Variants in TLR4 observed in about 807,000 individuals in gnomAD.
The protein encoded by TLR4 is toll-like receptor 4.
Under a neutral mutation model 27.4 loss-of-function variants are expected in TLR4, and 17 were observed. The observed-to-expected ratio is 0.62, with a 90% CI of 0.42 to 0.93. TLR4 has a LOEUF of 0.93. Among genes scored for constraint, TLR4 ranks in the 40% least tolerant of loss-of-function variants. TLR4 has a pLI of 0.00. For missense variants in TLR4, 926 were observed against 962.3 expected, an observed-to-expected ratio of 0.96 and a Z score of 0.50; for synonymous variants, 363 against 365.7, an observed-to-expected ratio of 0.99 and a Z score of 0.08.
rs1168510610 is a variant in TLR4 at position 117,723,557 on chromosome 9, T to C, written c.*8909T>C. Reference sequence around the variant, plus strand: ...ATGAGACAGAGCCTCCAATAAAATTTAGGGAAGTGCTACATAAATGCAAGG... The same window carrying C: ...ATGAGACAGAGCCTCCAATAAAATTCAGGGAAGTGCTACATAAATGCAAGG... On this transcript the variant is annotated 3_prime_UTR_variant, in exon 3 of 3. Transcript: ENST00000355622. 1 of 152,138 alleles carries C rather than the reference T, an allele frequency of 6.6e-6. No homozygotes were observed. The highest frequency in any genetic ancestry group is 1.5e-5 in the Non-Finnish European group (1 of 68,022). The allele number at this position is 152,138 out of a possible 1,614,324, so 9.4% of individuals were successfully genotyped here. A position where few individuals can be genotyped will look rare whatever the true frequency, so the allele number is the denominator to read the frequency against.
At chr9:117,707,587 G>C (rs934736376) in intron 1 of TLR4, among the ~76,000 whole-genome samples, 3 of 152,186 alleles carry the variant, frequency 2.0e-5, no homozygotes, top group Admixed American at 2.0e-4. Context: ...AGAGCATTCA[G>C]AAATTAGATG....
chr9:117,710,436 G>T (rs1829212414), intron 2 of TLR4, among the ~76,000 whole-genome samples: 1 of 150,448 alleles, frequency 6.6e-6, no homozygotes, highest in East Asian at 1.9e-4. Flanking sequence ...CTCTATTAAG[G>T]TAGACCACCT....
At position 117,714,441 on chromosome 9, in the gene TLR4, G is replaced by A; in HGVS notation, c.2313G>A (p.Leu771=). 1.2e-6 allele frequency: 2 copies of A among 1,613,906 alleles called. No individual in the cohort carries two copies. The highest frequency in any genetic ancestry group is 1.7e-6 in the Non-Finnish European group (2 of 1,179,980). ...SSRAGIIFIV[L]QKVEKTLLRQ... is the part of the protein sequence containing the mutation. ...GTGCTGGTATCATCTTCATTGTCCT[G>A]CAGAAGGTGGAGAAGACCCTGCTCA... Residue 771 remains leucine, a synonymous_variant, in exon 3 of 3, where the codon CTG becomes CTA. Coordinates refer to ENST00000355622, the MANE Select transcript of TLR4 (RefSeq NM_138554.5).
Position 117,713,967 on chromosome 9 carries a change from A to G in TLR4, c.1839A>G (p.Ser613=). Residue 613 remains serine (S), a synonymous_variant, in exon 3 of 3, where the codon TCA becomes TCG. Transcript: ENST00000355622. ...EVERMECATP[S]DKQGMPVLSL... ...AACGAATGGAATGTGCAACACCTTC[A>G]GATAAGCAGGGCATGCCTGTGCTGA... The G allele has an allele frequency of 6.2e-7, 1 of 1,614,064 alleles. No homozygotes were observed. The highest frequency in any genetic ancestry group is 8.5e-7 in the Non-Finnish European group (1 of 1,180,008).
Position 117,714,749 on chromosome 9 carries a change from C to T in TLR4, c.*101C>T. On this transcript the variant is annotated 3_prime_UTR_variant, in exon 3 of 3. Coordinates refer to ENST00000355622, the MANE Select transcript of TLR4 (RefSeq NM_138554.5). ...ATGCTGCCACATGTCAGGCCTTATG[C>T]TAAGGGTGAGTAATTCCATGGTGCA... 1 of 1,031,228 alleles carries T rather than the reference C, an allele frequency of 9.7e-7. No homozygotes were observed. The allele number at this position is 1,031,228 out of a possible 1,614,324, so 63.9% of individuals were successfully genotyped here.
At chr9:117,705,259 C>T (rs143235839) in intron 1 of TLR4, among the ~76,000 whole-genome samples, 159 of 152,162 alleles carry the variant, frequency 1.0e-3, no homozygotes, top group African/African-American at 3.7e-3. Context: ...TTTTCCCCTG[C>T]GCAGACTTCA....
Position 117,717,193 on chromosome 9 carries a change from T to G in TLR4, c.*2545T>G, listed in dbSNP as rs1197054334. On this transcript the variant is annotated 3_prime_UTR_variant, in exon 3 of 3. Coordinates refer to ENST00000355622, the MANE Select transcript of TLR4 (RefSeq NM_138554.5). ...GAAGAATACATCCATTTGAAATGGA[T>G]GTCTATGGCTGTTTGAGATGAGTTC... The G allele has an allele frequency of 1.3e-5, 2 of 152,140 alleles. No individual in the cohort carries two copies. The highest frequency in any genetic ancestry group is 6.5e-5 in the Admixed American group (1 of 15,270). The allele number at this position is 152,140 out of a possible 1,614,324, so 9.4% of individuals were successfully genotyped here.
chr9:117,709,709 C>A (rs1248052649), intron 2 of TLR4, among the ~76,000 whole-genome samples: 1 of 152,032 alleles, frequency 6.6e-6, no homozygotes, highest in Non-Finnish European at 1.5e-5. Context: ...GTATAAAAAT[C>A]CTTTTTAGAG....
intron 1 of TLR4, 86 bp downstream of exon 1, chr9:117,704,651 CAA>C (rs5900307): frequency 0.023 from 17,909 of 773,580 alleles, no homozygotes; most frequent in Non-Finnish European, 0.027. Flanking sequence ...TTTATTTTTG[CAA>C]AAAAAAAAAA....
chr9:117,706,831 C>T (rs560779117), intron 1 of TLR4, among the ~76,000 whole-genome samples: 94 of 152,298 alleles, frequency 6.2e-4, no homozygotes, highest in African/African-American at 2.1e-3. Context: ...GTTAGCTTTG[C>T]TCCTATCTAA....
rs1388911129 is a variant in TLR4, at chr9:117,714,463, C to T, written c.2335C>T (p.Leu779Phe). Residue 779 changes from leucine (L) to phenylalanine (F), a missense_variant, in exon 3 of 3, where the codon CTC becomes TTC. Coordinates refer to ENST00000355622, the MANE Select transcript of TLR4 (RefSeq NM_138554.5). ...IVLQKVEKTL[L>F]RQQVELYRLL... ...CCTGCAGAAGGTGGAGAAGACCCTGCTCAGGCAGCAGGTGGAGCTGTACCG... is the reference window on the plus strand; with the variant it reads ...CCTGCAGAAGGTGGAGAAGACCCTGTTCAGGCAGCAGGTGGAGCTGTACCG... 3 of 1,613,864 alleles carry T rather than the reference C, an allele frequency of 1.9e-6. No individual in the cohort carries two copies. Among genetic ancestry groups the T allele is most frequent in the East Asian group, 4.5e-5 (2 of 44,848 alleles).
At position 117,704,693 on chromosome 9, in the gene TLR4, CCA is replaced by C. The variant is rs1195645205; in HGVS notation, c.93+131_93+132del. The C allele has an allele frequency of 1.8e-5, 15 of 818,034 alleles. No homozygotes were observed. In the African/African-American group the frequency reaches 2.4e-4, roughly 13 times the overall value. The allele number at this position is 818,034 out of a possible 1,614,324, so 50.7% of individuals were successfully genotyped here. A position where few individuals can be genotyped will look rare whatever the true frequency, so the allele number is the denominator to read the frequency against. On this transcript the variant is annotated intron_variant, in intron 1 of 2. Coordinates refer to ENST00000355622, the MANE Select transcript of TLR4 (RefSeq NM_138554.5). ...TAAATTACCTTAAAGACTCAAGAAG[CCA>C]CAGAGATCAAATAATTCATTGTTAC...
At position 117,713,561 on chromosome 9, in the gene TLR4, T is replaced by G; in HGVS notation, c.1433T>G (p.Met478Arg). The change falls in exon 3 of 3, where the codon ATG (methionine) becomes AGG (arginine). Residue 478 changes from methionine to arginine, a missense_variant. Met to Arg is a moderately conservative substitution (Grantham distance 91, BLOSUM62 -1). Transcript: ENST00000355622. ...TTGTCCAGTCTCGAAGTCTTGAAAA[T>G]GGCTGGCAATTCTTTCCAGGAAAAC... ...NGLSSLEVLK[M>R]AGNSFQENFL... 1 of 1,614,060 alleles carries G rather than the reference T, an allele frequency of 6.2e-7. No homozygotes were observed. Among genetic ancestry groups the G allele is most frequent in the Non-Finnish European group, 8.5e-7 (1 of 1,179,996 alleles).
rs1188649849 is a variant in TLR4, at chr9:117,721,402, C to G, written c.*6754C>G. The G allele has an allele frequency of 6.6e-6, 1 of 152,346 alleles. No individual in the cohort carries two copies. Among genetic ancestry groups the G allele is most frequent in the Admixed American group, 6.5e-5 (1 of 15,278 alleles). The allele number at this position is 152,346 out of a possible 1,614,324, so 9.4% of individuals were successfully genotyped here. A position where few individuals can be genotyped will look rare whatever the true frequency, so the allele number is the denominator to read the frequency against. On this transcript the variant is annotated 3_prime_UTR_variant, in exon 3 of 3. Transcript: ENST00000355622. The stretch of plus-strand genomic sequence containing the variant: ...TGTCTCCAAATCACTTGCTCTCTCT[C>G]TTACATCTTTTCTATCTTCTTCTAG...
intron 1 of TLR4, 106 bp downstream of exon 1, chr9:117,704,671 A>G: frequency 1.0e-6 from 1 of 961,524 alleles, no homozygotes; most frequent in Non-Finnish European, 1.6e-6. Context: ...AAAGAGTTAA[A>G]TTACCTTAAA....
Position 117,713,955 on chromosome 9 carries a change from T to C in TLR4, c.1827T>C (p.Cys609=), listed in dbSNP as rs1233324596. 1 of 1,614,074 alleles carries C rather than the reference T, an allele frequency of 6.2e-7. No individual in the cohort carries two copies. Among genetic ancestry groups the C allele is most frequent in the East Asian group, 2.2e-5 (1 of 44,836 alleles). ...QLLVEVERME[C]ATPSDKQGMP... is the part of the protein sequence containing the mutation. Reference sequence around the variant, plus strand: ...TGGTGGAAGTTGAACGAATGGAATGTGCAACACCTTCAGATAAGCAGGGCA... The same window carrying C: ...TGGTGGAAGTTGAACGAATGGAATGCGCAACACCTTCAGATAAGCAGGGCA... Residue 609 remains cysteine (C), a synonymous_variant, in exon 3 of 3, where the codon TGT becomes TGC. Coordinates refer to ENST00000355622, the MANE Select transcript of TLR4 (RefSeq NM_138554.5).
rs1222100776 is a variant in TLR4, at chr9:117,723,429, T to G, written c.*8781T>G. On this transcript the variant is annotated 3_prime_UTR_variant, in exon 3 of 3. Coordinates refer to ENST00000355622, the MANE Select transcript of TLR4 (RefSeq NM_138554.5). ...AAATGGCTCCACCACTAACAGGCTG[T>G]TGAACAAAGGCAAATCTCTTGATCT... 2.6e-5 allele frequency: 4 copies of G among 152,240 alleles called. No individual in the cohort carries two copies. The highest frequency in any genetic ancestry group is 4.4e-5 in the Non-Finnish European group (3 of 68,038). The allele number at this position is 152,240 out of a possible 1,614,324, so 9.4% of individuals were successfully genotyped here.
At chr9:117,709,950 A>G (rs1170130070) in intron 2 of TLR4, among the ~76,000 whole-genome samples, 1 of 152,118 alleles carries the variant, frequency 6.6e-6, no homozygotes, top group Non-Finnish European at 1.5e-5. Context: ...ATCAATGGAA[A>G]TGATGAAACT....
Position 117,712,742 on chromosome 9 carries a change from A to G in TLR4, c.614A>G (p.Asn205Ser), listed in dbSNP as rs200195902. The G allele has an allele frequency of 8.1e-6, 13 of 1,614,044 alleles. No homozygotes were observed. The highest frequency in any genetic ancestry group is 3.3e-5 in the South Asian group (3 of 91,070). The change falls in exon 3 of 3, where the codon AAT becomes AGT. Residue 205 changes from asparagine to serine, a missense_variant. Physicochemically the swap from Asn to Ser is conservative, Grantham distance 46. Coordinates refer to ENST00000355622, the MANE Select transcript of TLR4 (RefSeq NM_138554.5). ...LRVLHQMPLL[N>S]LSLDLSLNPM... ...GTTCTACATCAAATGCCCCTACTCA[A>G]TCTCTCTTTAGACCTGTCCCTGAAC...
Sources: gnomAD v4.1 joint callset for allele counts (sites outside exome capture counted in the v4.1 genomes callset) on GRCh38, gnomAD v4.1.1 for gene constraint, MANE v1.5 for transcripts, NCBI Gene and HGNC (gene_info 2026-07-23, HGNC 2026-07-21) for gene names.